Variants in ALX4 observed in about 807,000 individuals in gnomAD.
ALX4 encodes the protein homeobox protein aristaless-like 4.
In ALX4, 22 loss-of-function variants were observed where a neutral mutation model predicts 40.6. The ratio of observed to expected loss-of-function variants is 0.54; its 90% CI spans 0.39 to 0.77. The LOEUF is 0.77. Ranked by LOEUF, ALX4 falls within the 30% of genes least tolerant of loss-of-function variation. The pLI is 0.00. For synonymous variants in ALX4, 266 were observed against 240.5 expected, an observed-to-expected ratio of 1.11 and a Z score of -0.98; for missense variants, 556 against 564.8, an observed-to-expected ratio of 0.98 and a Z score of 0.16.
rs530695931 is a variant in ALX4 at position 44,310,122 on chromosome 11, C to T, written c.-60G>A. On this transcript the variant is annotated 5_prime_UTR_variant, in exon 1 of 4. Coordinates refer to ENST00000652299, the MANE Select transcript of ALX4 (RefSeq NM_021926.4). ...GCGAGGGCGCGAGGACGCCACCGCG[C>T]GCCTTGGCTGGGAGTTTGGGGAGGC... 5.3e-5 allele frequency: 80 copies of T among 1,516,990 alleles called. No homozygotes were observed. In the Middle Eastern group the frequency reaches 9.8e-4, roughly 18 times the overall value. The allele number at this position is 1,516,990 out of a possible 1,614,324, so 94.0% of individuals were successfully genotyped here.
chr11:44,305,985 C>T (rs1956465140), intron 1 of ALX4, among the ~76,000 whole-genome samples: 2 of 152,234 alleles, frequency 1.3e-5, no homozygotes, highest in Non-Finnish European at 1.5e-5. Flanking sequence ...GGAGTCCCTG[C>T]CCTGAGTACA....
chr11:44,295,052 T>C (rs1161949335), intron 1 of ALX4, among the ~76,000 whole-genome samples: 1 of 152,128 alleles, frequency 6.6e-6, no homozygotes, highest in East Asian at 1.9e-4. Flanking sequence ...GGTTTCACTA[T>C]GTTGGCCAGG....
In ALX4 at chr11:44,304,362, G is replaced by C. The variant is rs371167151; in HGVS notation, c.466+5235C>G. On this transcript the variant is annotated intron_variant, in intron 1 of 3. Coordinates refer to ENST00000652299, the MANE Select transcript of ALX4 (RefSeq NM_021926.4). ...CGGCTTCCTGAACAGGGGTTTGGGG[G>C]GCTAAGGACGCTGAGGCTCCGGGGG... Among the ~76,000 whole-genome samples, 6 of 152,332 alleles carry C rather than the reference G, an allele frequency of 3.9e-5. No individual in the cohort carries two copies. The East Asian group carries it at 5.8e-4, about 15-fold the overall frequency.
At chr11:44,293,511 C>T (rs903689921) in intron 1 of ALX4, among the ~76,000 whole-genome samples, 1 of 152,208 alleles carries the variant, frequency 6.6e-6, no homozygotes, top group Non-Finnish European at 1.5e-5. Context: ...ATCTCTTTTC[C>T]ACCTGTTACT....
chr11:44,261,538 C>T lies in ALX4; in HGVS notation c.*3316G>A, dbSNP rs995986024. The T allele has an allele frequency of 6.6e-6, 1 of 152,226 alleles. No homozygotes were observed. Among genetic ancestry groups the T allele is most frequent in the Non-Finnish European group, 1.5e-5 (1 of 68,054 alleles). The allele number at this position is 152,226 out of a possible 1,614,324, so 9.4% of individuals were successfully genotyped here. A position where few individuals can be genotyped will look rare whatever the true frequency, so the allele number is the denominator to read the frequency against. On this transcript the variant is annotated 3_prime_UTR_variant, in exon 4 of 4. Transcript: ENST00000652299. ...AAGGAAAGTTCTAAAAGCCCATGTC[C>T]TCCAAGTGCTATTTCAGCCTTGGAG...
chr11:44,301,021 C>T (rs1374982866), intron 1 of ALX4, among the ~76,000 whole-genome samples: 2 of 152,282 alleles, frequency 1.3e-5, no homozygotes, highest in African/African-American at 4.8e-5. Context: ...TCCCACTGAA[C>T]TGGAATTTCA....
At chr11:44,279,717 T>C (rs1253195264) in intron 1 of ALX4, among the ~76,000 whole-genome samples, 3 of 152,178 alleles carry the variant, frequency 2.0e-5, no homozygotes, top group African/African-American at 4.8e-5. Flanking sequence ...TCCCAGATTG[T>C]GACTGTTTTC....
intron 1 of ALX4, among the ~76,000 whole-genome samples, chr11:44,277,438 C>A (rs1435520618): frequency 1.3e-5 from 2 of 152,186 alleles, no homozygotes; most frequent in African/African-American, 2.4e-5. Flanking sequence ...AGAACAAACA[C>A]AATTAATAAG....
chr11:44,297,614 G>A (rs1286070583), intron 1 of ALX4, among the ~76,000 whole-genome samples: 1 of 152,174 alleles, frequency 6.6e-6, no homozygotes, highest in African/African-American at 2.4e-5. Flanking sequence ...TACTTGGGAG[G>A]CTGAGGTGGG....
intron 1 of ALX4, among the ~76,000 whole-genome samples, chr11:44,296,291 C>T (rs1054337542): frequency 2.8e-4 from 43 of 152,264 alleles, no homozygotes; most frequent in Middle Eastern, 6.8e-3. Flanking sequence ...CCTTATGTTA[C>T]GTCATATTCA....
chr11:44,301,491 A>G (rs1487253266), intron 1 of ALX4, among the ~76,000 whole-genome samples: 1 of 152,192 alleles, frequency 6.6e-6, no homozygotes, highest in Non-Finnish European at 1.5e-5. Context: ...GGTCCCTGCA[A>G]TCCCACCAGG....
At chr11:44,284,405 T>G (rs975901359) in intron 1 of ALX4, among the ~76,000 whole-genome samples, 2 of 152,192 alleles carry the variant, frequency 1.3e-5, no homozygotes, top group African/African-American at 4.8e-5. Context: ...AAACTGGAAT[T>G]TTAGATAAAC....
chr11:44,273,085 G>A (rs12577451), intron 2 of ALX4, among the ~76,000 whole-genome samples: 48,421 of 151,584 alleles, frequency 0.32, 8,076 homozygotes, highest in Admixed American at 0.39. Flanking sequence ...GCTTTCATGA[G>A]TTAATTCAAG....
intron 2 of ALX4, among the ~76,000 whole-genome samples, chr11:44,269,515 C>T (rs1001106233): frequency 3.3e-5 from 5 of 152,228 alleles, no homozygotes; most frequent in Non-Finnish European, 7.3e-5. Flanking sequence ...CATGTGTGTG[C>T]GTGCACGAGT....
intron 1 of ALX4, among the ~76,000 whole-genome samples, chr11:44,281,767 G>A (rs967396741): frequency 2.0e-5 from 3 of 152,136 alleles, no homozygotes; most frequent in African/African-American, 7.2e-5. Flanking sequence ...AGCTCAACTT[G>A]AATGTCCCTA....
At chr11:44,284,240 T>C (rs1197641316) in intron 1 of ALX4, among the ~76,000 whole-genome samples, 1 of 152,090 alleles carries the variant, frequency 6.6e-6, no homozygotes, top group African/African-American at 2.4e-5. Context: ...GGGGCTGGTC[T>C]GAATTAATTT....
chr11:44,275,728 A>T, intron 1 of ALX4, 70 bp from the exon 2 acceptor site: 14 of 1,485,036 alleles, frequency 9.4e-6, no homozygotes, highest in Non-Finnish European at 1.2e-5. Context: ...TGTCAGGGGG[A>T]GAGTGGGGCA....
Position 44,264,360 on chromosome 11 carries a change from T to G in ALX4, c.*494A>C. On this transcript the variant is annotated 3_prime_UTR_variant, in exon 4 of 4. Coordinates refer to ENST00000652299, the MANE Select transcript of ALX4 (RefSeq NM_021926.4). ...CCGTGTGCTTTCAGGGAGAGAAAGATGGGAGGGCAGGAGGCTGGCTCTGCA... is the reference window on the plus strand; with the variant it reads ...CCGTGTGCTTTCAGGGAGAGAAAGAGGGGAGGGCAGGAGGCTGGCTCTGCA... 2 of 165,320 alleles carry G rather than the reference T, an allele frequency of 1.2e-5. No homozygotes were observed. The highest frequency in any genetic ancestry group is 2.6e-5 in the Non-Finnish European group (2 of 76,144). 10.2% of individuals were successfully genotyped at this position (165,320 alleles called of 1,614,324 possible). A position where few individuals can be genotyped will look rare whatever the true frequency, so the allele number is the denominator to read the frequency against.
At position 44,269,588 on chromosome 11, in the gene ALX4, A is replaced by G. The variant is rs78399562; in HGVS notation, c.778-1966T>C. ...CACACACATTGACTGGGGGAGGAGA[A>G]GCCTCTTCCTTAGAAACGGACCCTC... On this transcript the variant is annotated intron_variant, in intron 2 of 3. Transcript: ENST00000652299. 0.017 allele frequency among the ~76,000 whole-genome samples: 2,632 copies of G among 152,310 alleles called. 134 individuals carry two copies. In the East Asian group the frequency reaches 0.2, roughly 11 times the overall value.
Sources: allele counts gnomAD v4.1 joint callset (sites outside exome capture counted in the v4.1 genomes callset), GRCh38; gene constraint gnomAD v4.1.1; transcripts MANE v1.5; gene names NCBI Gene and HGNC (gene_info 2026-07-23, HGNC 2026-07-21).